The following NAV2 variants were observed in gnomAD, a reference collection of about 807,000 sequenced individuals.
NAV2 encodes the protein neuron navigator 2.
NAV2 carries 54 observed loss-of-function variants against 223.2 expected under a neutral mutation model. That is an observed-to-expected ratio of 0.24 (90% CI 0.19 to 0.30). NAV2 has a LOEUF of 0.30. NAV2 is among the 10% of genes least tolerant of loss of function. The pLI is 1.00. For missense variants in NAV2, 2,806 were observed against 3,147.5 expected (o/e 0.89, Z 2.60); for synonymous variants, 1,279 against 1,239.3 (o/e 1.03, Z -0.67).
intron 1 of NAV2, among the ~76,000 whole-genome samples, chr11:19,354,806 C>T (rs911112067): frequency 6.6e-6 from 1 of 152,138 alleles, no homozygotes; most frequent in Non-Finnish European, 1.5e-5. Flanking sequence ...GAGACCTTAG[C>T]GGCTGGCTGT....
intron 1 of NAV2, among the ~76,000 whole-genome samples, chr11:19,386,624 G>T (rs1161641920): frequency 6.6e-6 from 1 of 152,120 alleles, no homozygotes; most frequent in Non-Finnish European, 1.5e-5. Context: ...GGATTTTTCA[G>T]CAGCTTCCAC....
At chr11:20,023,699 G>GGTGGGTGGATGTGTGT in intron 11 of NAV2, among the ~76,000 whole-genome samples, 1 of 144,680 alleles carries the variant, frequency 6.9e-6, no homozygotes, top group South Asian at 2.3e-4. Flanking sequence ...CAAATTGCTG[G>GGTGGGTGGATGTGTGT]GTGTGTGTGT....
At chr11:19,464,530 C>G (rs1852280831) in intron 1 of NAV2, among the ~76,000 whole-genome samples, 1 of 152,214 alleles carries the variant, frequency 6.6e-6, no homozygotes. Flanking sequence ...CCCTTCTCCT[C>G]TTTAGGCCTC....
intron 1 of NAV2, among the ~76,000 whole-genome samples, chr11:19,449,620 T>C (rs908852222): frequency 3.4e-4 from 1 of 2,924 alleles, no homozygotes; most frequent in Non-Finnish European, 5.6e-4. Context: ...GTGTGTGTTG[T>C]GGGGGTGGGG....
At chr11:19,470,248 T>TA in intron 1 of NAV2, among the ~76,000 whole-genome samples, 1 of 152,306 alleles carries the variant, frequency 6.6e-6, no homozygotes, top group South Asian at 2.1e-4. Flanking sequence ...CTTGGAATCT[T>TA]ATAAGCCTAG....
At chr11:19,514,039 T>C (rs1241417194) in intron 1 of NAV2, among the ~76,000 whole-genome samples, 1 of 152,198 alleles carries the variant, frequency 6.6e-6, no homozygotes, top group African/African-American at 2.4e-5. Flanking sequence ...GCCACCCAGT[T>C]TGTGGCAGCC....
intron 18 of NAV2, among the ~76,000 whole-genome samples, chr11:20,054,726 A>G (rs761161977): frequency 6.6e-6 from 1 of 152,192 alleles, no homozygotes; most frequent in African/African-American, 2.4e-5. Flanking sequence ...TTTTGATTGA[A>G]TAGGTATTCT....
In NAV2 at chr11:19,969,602, A is replaced by G. The variant is rs558037490; in HGVS notation, c.2646-14523A>G. 2.8e-4 allele frequency among the ~76,000 whole-genome samples: 43 copies of G among 152,290 alleles called. 2 individuals are homozygous for G. In the South Asian group the frequency reaches 8.5e-3, roughly 30 times the overall value. ...ACTATGGGGTTTTTTTCCTATGCAT[A>G]CATACCTGTGATAAAGTTTAATTTA... On this transcript the variant is annotated intron_variant, in intron 10 of 37. Transcript: ENST00000349880.
chr11:19,986,122 T>A (rs2896590), intron 11 of NAV2, among the ~76,000 whole-genome samples: 105,735 of 151,946 alleles, frequency 0.7, 37,685 homozygotes, highest in Middle Eastern at 0.83. Flanking sequence ...TTTAATTTAA[T>A]GCTTCATTGT....
chr11:19,457,931 C>A (rs530393081), intron 1 of NAV2, among the ~76,000 whole-genome samples: 1 of 152,204 alleles, frequency 6.6e-6, no homozygotes, highest in Admixed American at 6.5e-5. Context: ...GGGACATGCA[C>A]GGAATAGGGC....
chr11:19,351,588 A>G lies in NAV2; in HGVS notation c.75+561A>G, dbSNP rs559911637. Among the ~76,000 whole-genome samples, 8 of 152,270 alleles carry G rather than the reference A, an allele frequency of 5.3e-5. No individual in the cohort carries two copies. In the East Asian group the frequency reaches 1.2e-3, roughly 22 times the overall value. ...CAGTCACCCAGGACCTGTGTCTACC[A>G]GTTAAAGTTCAACTTGTCTTTAAAA... On this transcript the variant is annotated intron_variant, in intron 1 of 37. Transcript: ENST00000360655.
chr11:20,044,865 G>A (rs931503749), intron 13 of NAV2, 103 bp from the exon 14 acceptor site: 2 of 940,296 alleles, frequency 2.1e-6, no homozygotes, highest in Non-Finnish European at 3.2e-6. Context: ...CCTCCCCAAG[G>A]GAAAAGTGAA....
intron 28 of NAV2, among the ~76,000 whole-genome samples, chr11:20,092,613 C>A (rs1215578429): frequency 1.3e-5 from 2 of 152,234 alleles, no homozygotes; most frequent in East Asian, 1.9e-4. Context: ...TCCCCTCGCC[C>A]ACCATGCTGA....
At chr11:19,830,704 C>G (rs1315160166) in intron 1 of NAV2, among the ~76,000 whole-genome samples, 2 of 152,204 alleles carry the variant, frequency 1.3e-5, no homozygotes, top group Admixed American at 1.3e-4. Flanking sequence ...TCTTGTGGAG[C>G]CTACAGAACC....
chr11:19,443,765 ATCT>A (rs1851486258), intron 1 of NAV2, among the ~76,000 whole-genome samples: 1 of 152,190 alleles, frequency 6.6e-6, no homozygotes, highest in Non-Finnish European at 1.5e-5. Context: ...AATTCTTCAC[ATCT>A]TCTAAAATGT....
intron 28 of NAV2, 101 bp from the exon 29 acceptor site, chr11:20,092,986 CTGCACCCTGACA>C: frequency 2.6e-6 from 1 of 388,090 alleles, no homozygotes; most frequent in Non-Finnish European, 5.1e-6. Context: ...CCCCCACCCC[CTGCACCCTGACA>C]CCTGTTTGTC....
intron 1 of NAV2, among the ~76,000 whole-genome samples, chr11:19,761,397 A>G (rs980886572): frequency 1.3e-5 from 2 of 152,242 alleles, no homozygotes; most frequent in African/African-American, 4.8e-5. Context: ...TGAAGAAAGT[A>G]AAGTTGAATG....
intron 1 of NAV2, among the ~76,000 whole-genome samples, chr11:19,696,248 T>C (rs1032818933): frequency 2.6e-5 from 4 of 152,240 alleles, no homozygotes; most frequent in Non-Finnish European, 5.9e-5. Context: ...GTACAGCTGG[T>C]CAGAAACATT....
intron 1 of NAV2, among the ~76,000 whole-genome samples, chr11:19,420,949 C>T (rs1850585464): frequency 6.6e-6 from 1 of 152,204 alleles, no homozygotes; most frequent in Admixed American, 6.5e-5. Flanking sequence ...CTCCACGGTG[C>T]ATGGCAGGGT....
Sources: gnomAD v4.1 joint callset for allele counts (sites outside exome capture counted in the v4.1 genomes callset) on GRCh38, gnomAD v4.1.1 for gene constraint, MANE v1.5 for transcripts, NCBI Gene and HGNC (gene_info 2026-07-23, HGNC 2026-07-21) for gene names.